The following BICC1 variants were observed in gnomAD, a reference collection of about 807,000 sequenced individuals.
BICC1 encodes protein bicaudal C homolog 1.
A neutral mutation model predicts 111.0 loss-of-function variants in BICC1; 43 were observed. The observed-to-expected ratio is 0.39, with a 90% CI of 0.30 to 0.50. The LOEUF is 0.50. Among genes scored for constraint, BICC1 ranks in the 20% least tolerant of loss-of-function variants. The probability of loss-of-function intolerance (pLI) is 0.88; values close to 1 mark genes in which losing one functional copy is unlikely to be tolerated. For synonymous variants in BICC1, 467 were observed against 434.4 expected (o/e 1.07, Z -0.93); for missense variants, 1,091 against 1,203.2 (o/e 0.91, Z 1.38).
chr10:58,715,734 T>C, intron 3 of BICC1: 2 of 1,558,674 alleles, frequency 1.3e-6, no homozygotes, highest in Non-Finnish European at 1.8e-6. Context: ...TTTGGCTGAA[T>C]TTGAAGAAAA....
chr10:58,658,746 G>A (rs1334713226), intron 2 of BICC1, among the ~76,000 whole-genome samples: 1 of 152,100 alleles, frequency 6.6e-6, no homozygotes, highest in Non-Finnish European at 1.5e-5. Context: ...CTTTCAGGTT[G>A]GCTTCTGTGT....
chr10:58,571,687 G>A (rs1411296737), intron 1 of BICC1, among the ~76,000 whole-genome samples: 4 of 152,082 alleles, frequency 2.6e-5, no homozygotes, highest in Non-Finnish European at 5.9e-5. Context: ...TTTTATGGCT[G>A]CATAGTATTT....
At chr10:58,536,902 A>G (rs1842839010) in intron 1 of BICC1, among the ~76,000 whole-genome samples, 1 of 151,804 alleles carries the variant, frequency 6.6e-6, no homozygotes. Flanking sequence ...ATAAAAGACT[A>G]TTTGAGATTA....
intron 17 of BICC1, among the ~76,000 whole-genome samples, chr10:58,809,283 G>A (rs961177656): frequency 6.6e-6 from 1 of 151,970 alleles, no homozygotes; most frequent in Admixed American, 6.5e-5. Flanking sequence ...TGATCTGCCC[G>A]CCTCGGTGTC....
chr10:58,701,545 G>A (rs1840235105), intron 2 of BICC1, among the ~76,000 whole-genome samples: 1 of 152,106 alleles, frequency 6.6e-6, no homozygotes, highest in Non-Finnish European at 1.5e-5. Flanking sequence ...GGGGAATGCA[G>A]TCTTACGACG....
intron 3 of BICC1, among the ~76,000 whole-genome samples, chr10:58,747,876 A>C (rs1413197792): frequency 6.6e-6 from 1 of 152,136 alleles, no homozygotes; most frequent in Non-Finnish European, 1.5e-5. Flanking sequence ...AAAAAGTTTT[A>C]TTGGAATACA....
chr10:58,745,186 A>G (rs1841793449), intron 3 of BICC1, among the ~76,000 whole-genome samples: 1 of 152,142 alleles, frequency 6.6e-6, no homozygotes, highest in Admixed American at 6.6e-5. Flanking sequence ...AGTATTTTTC[A>G]GTAATTTTCA....
At chr10:58,598,553 C>G (rs1442632978) in intron 1 of BICC1, among the ~76,000 whole-genome samples, 1 of 152,120 alleles carries the variant, frequency 6.6e-6, no homozygotes, top group Non-Finnish European at 1.5e-5. Context: ...CCATAAAAAT[C>G]CTAGAAGAAA....
intron 1 of BICC1, among the ~76,000 whole-genome samples, chr10:58,566,103 A>G (rs1308977123): frequency 6.6e-6 from 1 of 151,754 alleles, no homozygotes; most frequent in Non-Finnish European, 1.5e-5. Flanking sequence ...GTTGCTGCAA[A>G]TGCCATTTTT....
At chr10:58,741,657 AT>A (rs1365651539) in intron 3 of BICC1, among the ~76,000 whole-genome samples, 3 of 152,202 alleles carry the variant, frequency 2.0e-5, no homozygotes, top group African/African-American at 7.2e-5. Flanking sequence ...ATATCTTTGC[AT>A]TACAAACGGG....
intron 1 of BICC1, among the ~76,000 whole-genome samples, chr10:58,574,553 C>T (rs1724797119): frequency 6.6e-6 from 1 of 152,092 alleles, no homozygotes; most frequent in African/African-American, 2.4e-5. Flanking sequence ...GTATACAGCT[C>T]TTTCACCTTC....
chr10:58,525,062 A>C (rs983208480), intron 1 of BICC1, among the ~76,000 whole-genome samples: 1 of 146,510 alleles, frequency 6.8e-6, no homozygotes, highest in African/African-American at 2.5e-5. Flanking sequence ...TCAGGAAACA[A>C]CAGGTGCTGG....
At chr10:58,662,852 T>C (rs1232104563) in intron 2 of BICC1, among the ~76,000 whole-genome samples, 2 of 152,338 alleles carry the variant, frequency 1.3e-5, no homozygotes, top group African/African-American at 4.8e-5. Context: ...GGAAAACTTG[T>C]ATAAAGTGAA....
Position 58,715,670 on chromosome 10 carries a change from T to C in BICC1, c.307+13527T>C, listed in dbSNP as rs1840717823. The C allele has an allele frequency of 3.1e-6, 5 of 1,600,000 alleles. No individual in the cohort carries two copies. In the African/African-American group the frequency reaches 4.0e-5, roughly 13 times the overall value. On this transcript the variant is annotated intron_variant, in intron 3 of 20. Transcript: ENST00000373886. ...AGGATTATCTGAATTGACCAAGGCC[T>C]ACCTGGGAAGAAGTAAAAGAGCAAC...
At chr10:58,625,793 A>C (rs560016639) in intron 2 of BICC1, among the ~76,000 whole-genome samples, 5 of 152,200 alleles carry the variant, frequency 3.3e-5, no homozygotes, top group African/African-American at 1.2e-4. Flanking sequence ...AAATGGGTGC[A>C]TTAGATGGTC....
At chr10:58,793,812 A>G (rs1398612068) in intron 9 of BICC1, among the ~76,000 whole-genome samples, 197 bp downstream of exon 9, 1 of 152,170 alleles carries the variant, frequency 6.6e-6, no homozygotes, top group African/African-American at 2.4e-5. Flanking sequence ...TCATTGGAGC[A>G]TTTTAGATTT....
intron 1 of BICC1, among the ~76,000 whole-genome samples, chr10:58,524,257 A>G (rs1340480101): frequency 6.6e-6 from 1 of 152,224 alleles, no homozygotes; most frequent in East Asian, 1.9e-4. Context: ...TCCTAAGCCA[A>G]AAGAACAAAG....
chr10:58,751,105 G>C (rs923344403), intron 3 of BICC1, among the ~76,000 whole-genome samples: 1 of 152,112 alleles, frequency 6.6e-6, no homozygotes. Flanking sequence ...AGCCATAGAA[G>C]GATAGCAGTT....
intron 14 of BICC1, 107 bp downstream of exon 14, chr10:58,801,153 C>T: frequency 3.1e-6 from 3 of 981,262 alleles, no homozygotes; most frequent in Non-Finnish European, 4.1e-6. Context: ...TGATCTCATC[C>T]ATGGGTGTTT....
Sources: gnomAD v4.1 joint callset for allele counts (sites outside exome capture counted in the v4.1 genomes callset) on GRCh38, gnomAD v4.1.1 for gene constraint, MANE v1.5 for transcripts, NCBI Gene and HGNC (gene_info 2026-07-23, HGNC 2026-07-21) for gene names.